Variants in HERC2 observed in about 807,000 individuals in gnomAD.
The protein encoded by HERC2 is E3 ubiquitin-protein ligase HERC2.
Under a neutral mutation model 537.7 loss-of-function variants are expected in HERC2, and 102 were observed. The ratio of observed to expected loss-of-function variants is 0.19; its 90% CI spans 0.16 to 0.22. The LOEUF is 0.22. Among genes scored for constraint, HERC2 ranks in the 10% least tolerant of loss-of-function variants. The pLI is 1.00. For missense variants in HERC2, 4,236 were observed against 6,198.2 expected (o/e 0.68, Z 10.63); for synonymous variants, 2,224 against 2,466.2 (o/e 0.90, Z 2.91).
chr15:28,204,376 CT>C (rs2140357706), intron 45 of HERC2, among the ~76,000 whole-genome samples: 1 of 152,246 alleles, frequency 6.6e-6, no homozygotes, highest in South Asian at 2.1e-4. Flanking sequence ...AATCCCAGCA[CT>C]TTGGGAGCCC....
At chr15:28,126,746 C>G (rs1353971427) in intron 83 of HERC2, among the ~76,000 whole-genome samples, 1 of 152,156 alleles carries the variant, frequency 6.6e-6, no homozygotes, top group Non-Finnish European at 1.5e-5. Flanking sequence ...TAAAAGACTA[C>G]ACATTGGGTA....
rs139612195 is a variant in HERC2 at position 28,289,048 on chromosome 15, C to T, written c.322+3840G>A. ...TCAGAGCACTGCCCCGCAGCTCAGGCAGTGTAATACCATTTGAGAGTGGAC... is the reference window on the plus strand; with the variant it reads ...TCAGAGCACTGCCCCGCAGCTCAGGTAGTGTAATACCATTTGAGAGTGGAC... On this transcript the variant is annotated intron_variant, in intron 4 of 92. Coordinates refer to ENST00000261609, the MANE Select transcript of HERC2 (RefSeq NM_004667.6). 3.4e-3 allele frequency among the ~76,000 whole-genome samples: 512 copies of T among 151,758 alleles called. 4 individuals carry two copies. Among genetic ancestry groups the T allele is most frequent in the African/African-American group, 0.012 (486 of 41,452 alleles).
chr15:28,164,258 A>C (rs893714300), intron 68 of HERC2, among the ~76,000 whole-genome samples: 1 of 152,114 alleles, frequency 6.6e-6, no homozygotes, highest in Non-Finnish European at 1.5e-5. Flanking sequence ...CACAAACATA[A>C]ACAGGCTGGG....
chr15:28,303,758 T>G (rs1227471408), intron 2 of HERC2, among the ~76,000 whole-genome samples: 8 of 152,220 alleles, frequency 5.3e-5, no homozygotes, highest in Middle Eastern at 3.2e-3. Context: ...GTGGTAGAGA[T>G]CTTTTCACTT....
At chr15:28,153,541 C>T (rs1484173904) in intron 69 of HERC2, among the ~76,000 whole-genome samples, 1 of 152,072 alleles carries the variant, frequency 6.6e-6, no homozygotes, top group African/African-American at 2.4e-5. Context: ...GTCCCACCTA[C>T]CCAGGAGGCT....
At chr15:28,185,370 G>C (rs1421112242) in intron 56 of HERC2, among the ~76,000 whole-genome samples, 1 of 152,142 alleles carries the variant, frequency 6.6e-6, no homozygotes, top group Non-Finnish European at 1.5e-5. Context: ...TGCCTGTCTG[G>C]AGGGCCCCGG....
In HERC2 at chr15:28,202,239, G is replaced by A. The variant is rs1166247539; in HGVS notation, c.7491C>T (p.Ala2497=). Residue 2497 remains alanine, a synonymous_variant, in exon 47 of 93, where the codon GCC becomes GCT. Transcript: ENST00000261609. ...GNASSLPGVE[A]LVGWLLDHSD... ...AGTGGTCCAGCAGCCACCCGACCAAGGCTTCCACACCTAAGAGAGGCACAC... is the reference window on the plus strand; with the variant it reads ...AGTGGTCCAGCAGCCACCCGACCAAAGCTTCCACACCTAAGAGAGGCACAC... The A allele has an allele frequency of 6.2e-7, 1 of 1,610,958 alleles. No homozygotes were observed. Among genetic ancestry groups the A allele is most frequent in the African/African-American group, 1.3e-5 (1 of 74,792 alleles).
At chr15:28,218,971 G>A (rs1187568959) in intron 37 of HERC2, among the ~76,000 whole-genome samples, 2 of 152,044 alleles carry the variant, frequency 1.3e-5, no homozygotes, top group African/African-American at 4.8e-5. Flanking sequence ...CATCTTTTCT[G>A]CTTTGGAAAG....
In HERC2 at chr15:28,124,980, G is replaced by A. The variant is rs377663104; in HGVS notation, c.12990+26C>T. 112 of 1,574,872 alleles carry A rather than the reference G, an allele frequency of 7.1e-5. No homozygotes were observed. In the African/African-American group the frequency reaches 1.2e-3, roughly 17 times the overall value. ...ACAGGAGCACACTTTGCTTGCCCCCGACCCACCCAACCTGCCCGGACTCAC... is the reference window on the plus strand; with the variant it reads ...ACAGGAGCACACTTTGCTTGCCCCCAACCCACCCAACCTGCCCGGACTCAC... On this transcript the variant is annotated intron_variant, in intron 84 of 92. Transcript: ENST00000261609.
At position 28,130,215 on chromosome 15, in the gene HERC2, T is replaced by C. The variant is rs774403885; in HGVS notation, c.12750A>G (p.Lys4250=). Residue 4250 remains lysine, a synonymous_variant, in exon 83 of 93, where the codon AAA becomes AAG. Transcript: ENST00000261609. ...GGGAGCCAGTGGCGATGGCGATGAC[T>C]TTCTTCCCCTGCAACCCTTGGACCT... is the stretch of plus-strand genomic sequence containing the variant. ...PRQVQGLQGK[K]VIAIATGSLH... is the part of the protein sequence containing the mutation. 24 of 1,614,046 alleles carry C rather than the reference T, an allele frequency of 1.5e-5. No homozygotes were observed. Among genetic ancestry groups the C allele is most frequent in the Non-Finnish European group, 1.8e-5 (21 of 1,180,028 alleles).
intron 2 of HERC2, among the ~76,000 whole-genome samples, chr15:28,304,865 C>T (rs1184651505): frequency 8.0e-6 from 1 of 125,744 alleles, no homozygotes; most frequent in African/African-American, 2.9e-5. Flanking sequence ...CCCCCCTCCC[C>T]CCACCCCACC....
intron 16 of HERC2, among the ~76,000 whole-genome samples, chr15:28,257,745 C>G (rs1323599954): frequency 6.9e-6 from 1 of 145,720 alleles, no homozygotes; most frequent in Non-Finnish European, 1.5e-5. Context: ...AATACATATA[C>G]TTTTTTTTTT....
At chr15:28,298,992 C>G (rs2076548164) in intron 3 of HERC2, among the ~76,000 whole-genome samples, 1 of 152,168 alleles carries the variant, frequency 6.6e-6, no homozygotes, top group Admixed American at 6.5e-5. Flanking sequence ...AGGGTGTATA[C>G]AAGCAGCCAT....
At chr15:28,142,050 G>A (rs1401334124) in intron 76 of HERC2, among the ~76,000 whole-genome samples, 188 bp downstream of exon 76, 1 of 152,152 alleles carries the variant, frequency 6.6e-6, no homozygotes, top group Non-Finnish European at 1.5e-5. Context: ...TCTACCTGTA[G>A]TTTACTAAAA....
chr15:28,301,735 G>A (rs10536211), intron 2 of HERC2, among the ~76,000 whole-genome samples: 745 of 35,216 alleles, frequency 0.021, 13 homozygotes, highest in East Asian at 0.056. Flanking sequence ...GTATGTATGT[G>A]TATATATATA....
At chr15:28,133,795 G>C (rs924056747) in intron 79 of HERC2, among the ~76,000 whole-genome samples, 2 of 152,196 alleles carry the variant, frequency 1.3e-5, no homozygotes, top group African/African-American at 2.4e-5. Flanking sequence ...CATCTTGTCA[G>C]CATTTGCCAG....
intron 57 of HERC2, among the ~76,000 whole-genome samples, chr15:28,179,547 T>G (rs753587449): frequency 1.3e-5 from 2 of 152,274 alleles, no homozygotes; most frequent in Non-Finnish European, 2.9e-5. Flanking sequence ...GATAACAGAC[T>G]ACTGCTACTG....
chr15:28,236,867 C>A (rs1902516294), intron 26 of HERC2, 96 bp downstream of exon 26: 2 of 915,604 alleles, frequency 2.2e-6, no homozygotes, highest in African/African-American at 3.3e-5. Context: ...GGATTACAGG[C>A]ATGAACCACT....
Position 28,158,495 on chromosome 15 carries a change from CTTCT to C in HERC2, c.10746+4595_10746+4598del, listed in dbSNP as rs1336247949. 1.6e-4 allele frequency among the ~76,000 whole-genome samples: 25 copies of C among 152,230 alleles called. 1 individual carries two copies. The highest frequency in any genetic ancestry group is 4.1e-4 in the South Asian group (2 of 4,824). ...GATCCCTTTACCATTATGTAATGGC[CTTCT>C]TTGTCTCTTTTGATCTTTGGTGGTT... On this transcript the variant is annotated intron_variant, in intron 69 of 92. Coordinates refer to ENST00000261609, the MANE Select transcript of HERC2 (RefSeq NM_004667.6).
Sources: gnomAD v4.1 joint callset for allele counts (sites outside exome capture counted in the v4.1 genomes callset) on GRCh38, gnomAD v4.1.1 for gene constraint, MANE v1.5 for transcripts, NCBI Gene and HGNC (gene_info 2026-07-23, HGNC 2026-07-21) for gene names.